Variants in PDE4D observed in about 807,000 individuals in gnomAD.
PDE4D encodes 3',5'-cyclic-AMP phosphodiesterase 4D.
A neutral mutation model predicts 87.4 loss-of-function variants in PDE4D; 24 were observed. The ratio of observed to expected loss-of-function variants is 0.27; its 90% CI spans 0.20 to 0.39. The LOEUF (loss-of-function observed/expected upper bound fraction) is 0.39, where lower values mean the gene tolerates loss of function less well. PDE4D is among the 10% of genes least tolerant of loss of function. The pLI, the probability that PDE4D is intolerant of heterozygous loss-of-function variation, is 1.00. For missense variants in PDE4D, 714 were observed against 1,041.0 expected (o/e 0.69, Z 4.32); for synonymous variants, 384 against 383.2 (o/e 1.00, Z -0.02).
chr5:59,441,760 G>GGTGA (rs1423735951), intron 1 of PDE4D, among the ~76,000 whole-genome samples: 1 of 152,142 alleles, frequency 6.6e-6, no homozygotes, highest in Non-Finnish European at 1.5e-5. Context: ...CTAATTAACT[G>GGTGA]TGCACTTGAA....
At chr5:59,485,042 A>G (rs966709978) in intron 1 of PDE4D, among the ~76,000 whole-genome samples, 3 of 152,202 alleles carry the variant, frequency 2.0e-5, no homozygotes, top group African/African-American at 7.2e-5. Flanking sequence ...CCAGTCTCCT[A>G]GGGAAGACTA....
chr5:59,099,772 T>C (rs1316318540), intron 5 of PDE4D, among the ~76,000 whole-genome samples: 1 of 152,202 alleles, frequency 6.6e-6, no homozygotes, highest in Non-Finnish European at 1.5e-5. Context: ...TTGAGGCTTT[T>C]TTGCTTTTAA....
intron 1 of PDE4D, among the ~76,000 whole-genome samples, chr5:59,534,526 GGTGA>G (rs779592423): frequency 1.1e-4 from 16 of 152,190 alleles, no homozygotes; most frequent in Non-Finnish European, 1.8e-4. Flanking sequence ...CTGGGTCTCA[GGTGA>G]GTGTCCAGGG....
At chr5:59,171,982 TAA>T (rs1487007614) in intron 5 of PDE4D, among the ~76,000 whole-genome samples, 2 of 82,910 alleles carry the variant, frequency 2.4e-5, no homozygotes, top group Non-Finnish European at 4.1e-5. Context: ...ATTTATATAA[TAA>T]ATATATATTA....
At chr5:59,421,617 G>A (rs1443552201) in intron 1 of PDE4D, among the ~76,000 whole-genome samples, 1 of 152,094 alleles carries the variant, frequency 6.6e-6, no homozygotes, top group Non-Finnish European at 1.5e-5. Flanking sequence ...AGAAGAAAAA[G>A]ACCAGATGGT....
chr5:59,026,375 T>A (rs775326221), intron 6 of PDE4D, among the ~76,000 whole-genome samples: 9 of 152,204 alleles, frequency 5.9e-5, no homozygotes, highest in Admixed American at 3.9e-4. Context: ...CAAAGTAGAA[T>A]GCTCAGACTC....
At chr5:59,182,311 G>A (rs1173484696) in intron 4 of PDE4D, among the ~76,000 whole-genome samples, 1 of 151,488 alleles carries the variant, frequency 6.6e-6, no homozygotes, top group African/African-American at 2.4e-5. Context: ...AGGCTGGAGT[G>A]CAGTGGTGTG....
intron 1 of PDE4D, among the ~76,000 whole-genome samples, chr5:60,337,053 C>T (rs1056989307): frequency 2.0e-5 from 3 of 151,202 alleles, no homozygotes; most frequent in South Asian, 4.2e-4. Context: ...GATGTGGTGG[C>T]TTATGCTTGT....
intron 1 of PDE4D, among the ~76,000 whole-genome samples, chr5:60,243,319 C>T: frequency 6.6e-6 from 1 of 151,908 alleles, no homozygotes; most frequent in South Asian, 2.1e-4. Flanking sequence ...AAGATCAAAA[C>T]TATAATAAAG....
intron 5 of PDE4D, among the ~76,000 whole-genome samples, chr5:59,065,526 T>C (rs1763801219): frequency 6.6e-6 from 1 of 152,052 alleles, no homozygotes; most frequent in Non-Finnish European, 1.5e-5. Context: ...CCCAAAAAGA[T>C]GGGAGGAAAC....
intron 2 of PDE4D, among the ~76,000 whole-genome samples, chr5:59,202,195 A>G (rs27173): frequency 0.97 from 147,381 of 151,796 alleles, 71,660 homozygotes; most frequent in Non-Finnish European, 1. Flanking sequence ...GCCTGCCACC[A>G]TGCCCAGCTA....
chr5:59,567,321 T>C (rs1387830871), intron 1 of PDE4D, among the ~76,000 whole-genome samples: 1 of 152,190 alleles, frequency 6.6e-6, no homozygotes, highest in Non-Finnish European at 1.5e-5. Flanking sequence ...CTATTCTCCT[T>C]AAGTTACCAG....
At position 59,164,720 on chromosome 5, in the gene PDE4D, C is replaced by T. The variant is rs73758116; in HGVS notation, c.808+15875G>A. Reference sequence around the variant, plus strand: ...TATACTTTGTTCTGAGTCAATAATGCCTTCCTTCTGTTGGATGGCATGATG... The same window carrying T: ...TATACTTTGTTCTGAGTCAATAATGTCTTCCTTCTGTTGGATGGCATGATG... On this transcript the variant is annotated intron_variant, in intron 5 of 14. Transcript: ENST00000340635. Among the ~76,000 whole-genome samples, 242 of 152,174 alleles carry T rather than the reference C, an allele frequency of 1.6e-3. 1 individual carries two copies. Among genetic ancestry groups the T allele is most frequent in the African/African-American group, 5.1e-3 (210 of 41,500 alleles).
chr5:59,893,400 G>A lies in PDE4D; in HGVS notation c.223C>T (p.Pro75Ser). 7.4e-7 allele frequency: 1 copy of A among 1,348,570 alleles called. No individual in the cohort carries two copies. The highest frequency in any genetic ancestry group is 9.6e-7 in the Non-Finnish European group (1 of 1,041,734). 83.5% of individuals were successfully genotyped at this position (1,348,570 alleles called of 1,614,324 possible). ...GGCGGCAGGGGGGGCGGCGGCGGCG[G>A]CTGTAGCGGACACTGGGGCTGGGGC... ...PQPQPQCPLQ[P>S]PPPPPLPPPP... The change falls in exon 1 of 15, where the codon CCG (proline) becomes TCG (serine). Residue 75 changes from proline (P) to serine (S), a missense_variant. Physicochemically the swap from Pro to Ser is moderately conservative, Grantham distance 74. Around this residue, in one of 7 missense-constraint regions of PDE4D, gnomAD observed 268 missense variants for 272.9 expected, o/e 0.98. Coordinates refer to ENST00000340635, the MANE Select transcript of PDE4D (RefSeq NM_001104631.2).
intron 1 of PDE4D, among the ~76,000 whole-genome samples, chr5:59,636,875 A>T (rs1037050517): frequency 1.3e-4 from 20 of 152,244 alleles, no homozygotes; most frequent in Non-Finnish European, 8.8e-5. Flanking sequence ...CACCAAAAGC[A>T]ATGGCAACGA....
At chr5:60,362,439 A>T (rs1311818503) in intron 1 of PDE4D, among the ~76,000 whole-genome samples, 1 of 152,248 alleles carries the variant, frequency 6.6e-6, no homozygotes, top group African/African-American at 2.4e-5. Context: ...GCCACATGGT[A>T]ACAATAAGGA....
intron 1 of PDE4D, among the ~76,000 whole-genome samples, chr5:60,364,915 C>T (rs558449936): frequency 1.2e-4 from 18 of 152,304 alleles, no homozygotes; most frequent in African/African-American, 4.1e-4. Context: ...CCTAAACCTC[C>T]TTGGAAGTCC....
intron 5 of PDE4D, among the ~76,000 whole-genome samples, chr5:59,162,316 A>G (rs1018859171): frequency 1.1e-4 from 17 of 152,178 alleles, no homozygotes; most frequent in African/African-American, 3.9e-4. Context: ...CTCCTCAAGA[A>G]GAGCTAATCC....
At chr5:59,288,882 CA>C (rs1185788749) in intron 1 of PDE4D, among the ~76,000 whole-genome samples, 6 of 151,948 alleles carry the variant, frequency 3.9e-5, no homozygotes, top group African/African-American at 1.4e-4. Flanking sequence ...AAGACTTTCC[CA>C]AACAAACAAA....
Sources: gnomAD v4.1 joint callset for allele counts (sites outside exome capture counted in the v4.1 genomes callset) on GRCh38, gnomAD v4.1.1 for gene constraint, gnomAD v4.1.1 regional missense constraint, MANE v1.5 for transcripts, NCBI Gene and HGNC (gene_info 2026-07-23, HGNC 2026-07-21) for gene names.